The following ZNF711 variants were observed in gnomAD, a reference collection of about 807,000 sequenced individuals.
ZNF711 encodes zinc finger protein 711.
ZNF711 carries 3 observed loss-of-function variants against 43.5 expected under a neutral mutation model. The ratio of observed to expected loss-of-function variants is 0.07; its 90% CI spans 0.03 to 0.18. ZNF711 has a LOEUF of 0.18. Among genes scored for constraint, ZNF711 ranks in the 10% least tolerant of loss-of-function variants. The probability of loss-of-function intolerance (pLI) is 1.00; values close to 1 mark genes in which losing one functional copy is unlikely to be tolerated. For missense variants in ZNF711, 412 were observed against 604.0 expected (o/e 0.68, Z 3.33); for synonymous variants, 209 against 207.7 (o/e 1.01, Z -0.06).
In ZNF711 at chrX:85,272,791, C is replaced by T. The variant is rs755495184; in HGVS notation, c.*963C>T. The T allele has an allele frequency of 9.0e-6, 1 of 111,501 alleles. No individual in the cohort carries two copies. The highest frequency in any genetic ancestry group is 3.3e-5 in the African/African-American group (1 of 30,707). 9.2% of individuals were successfully genotyped at this position (111,501 alleles called of 1,213,427 possible). On this transcript the variant is annotated 3_prime_UTR_variant, in exon 11 of 11. Coordinates refer to ENST00000674551, the MANE Select transcript of ZNF711 (RefSeq NM_001330574.2). ...AAATTGATTTTTAAAATCTATATAC[C>T]ATATGATTAACATGCATTTTCAATA... is the stretch of plus-strand genomic sequence containing the variant.
intron 5 of ZNF711, among the ~76,000 whole-genome samples, chrX:85,257,594 C>T (rs937662936): frequency 8.9e-6 from 1 of 112,090 alleles, no homozygotes; most frequent in Non-Finnish European, 1.9e-5. Context: ...TAGGTTGATT[C>T]CCTGTCTTTG....
intron 7 of ZNF711, among the ~76,000 whole-genome samples, chrX:85,265,802 A>C (rs1931043305): frequency 9.0e-6 from 1 of 110,879 alleles, no homozygotes; most frequent in Non-Finnish European, 1.9e-5. Flanking sequence ...TGGATTTAGC[A>C]ATTGAAGGGC....
At chrX:85,246,899 A>G (rs918665404) in intron 2 of ZNF711, 31 bp from the exon 3 acceptor site, 2 of 296,996 alleles carry the variant, frequency 6.7e-6, no homozygotes, top group Non-Finnish European at 1.2e-5. Context: ...AAATGTTTGT[A>G]TGTGATCGAT....
At chrX:85,256,343 T>C (rs1363308434) in intron 5 of ZNF711, among the ~76,000 whole-genome samples, 1 of 112,350 alleles carries the variant, frequency 8.9e-6, no homozygotes, top group Non-Finnish European at 1.9e-5. Flanking sequence ...CTATTTAACA[T>C]GTTTATTTTA....
intron 5 of ZNF711, among the ~76,000 whole-genome samples, chrX:85,263,411 G>A (rs1247652960): frequency 9.0e-6 from 1 of 110,964 alleles, no homozygotes; most frequent in Non-Finnish European, 1.9e-5. Flanking sequence ...ATATAATTTT[G>A]AAATAAAGCA....
chrX:85,271,069 G>A lies in ZNF711; in HGVS notation c.1665G>A (p.Glu555=). 8.3e-7 allele frequency: 1 copy of A among 1,211,289 alleles called. No homozygotes were observed. Among genetic ancestry groups the A allele is most frequent in the Non-Finnish European group, 1.1e-6 (1 of 895,298 alleles). ...HSKNFPHVCV[E]CGKGFRHPSE... is the part of the protein sequence containing the mutation. ...AGAATTTTCCTCATGTTTGTGTTGA[G>A]TGTGGGAAGGGTTTTCGACATCCTT... Residue 555 remains glutamate, a synonymous_variant, in exon 11 of 11, where the codon GAG becomes GAA. Coordinates refer to ENST00000674551, the MANE Select transcript of ZNF711 (RefSeq NM_001330574.2).
At chrX:85,257,262 C>T (rs1013753917) in intron 5 of ZNF711, among the ~76,000 whole-genome samples, 3 of 110,727 alleles carry the variant, frequency 2.7e-5, no homozygotes, top group African/African-American at 9.9e-5. Context: ...TGAATGATCC[C>T]ATCTCCTAGG....
At chrX:85,261,382 T>G (rs191855590) in intron 5 of ZNF711, among the ~76,000 whole-genome samples, 13 of 111,218 alleles carry the variant, frequency 1.2e-4, no homozygotes, top group Middle Eastern at 4.6e-3. Flanking sequence ...ATATTTTTAG[T>G]TTTCTTGGGT....
At chrX:85,251,448 T>C (rs1338343347) in intron 4 of ZNF711, among the ~76,000 whole-genome samples, 1 of 111,157 alleles carries the variant, frequency 9.0e-6, no homozygotes, top group East Asian at 2.8e-4. Flanking sequence ...AAAACACCCT[T>C]AGATAGTGGC....
chrX:85,252,508 A>G (rs1056054718), intron 4 of ZNF711, among the ~76,000 whole-genome samples: 1 of 111,854 alleles, frequency 8.9e-6, no homozygotes, highest in Non-Finnish European at 1.9e-5. Flanking sequence ...GTTTGTGAAA[A>G]GATTTTTGTG....
At chrX:85,253,666 T>C (rs1204742054) in intron 4 of ZNF711, among the ~76,000 whole-genome samples, 1 of 110,244 alleles carries the variant, frequency 9.1e-6, no homozygotes, top group Non-Finnish European at 1.9e-5. Context: ...ATATATTCTA[T>C]GCAGTTTTAT....
At chrX:85,258,308 A>T (rs1397571640) in intron 5 of ZNF711, among the ~76,000 whole-genome samples, 2 of 110,985 alleles carry the variant, frequency 1.8e-5, no homozygotes, top group Non-Finnish European at 3.8e-5. Context: ...TTTCTCTCAT[A>T]TATGGGAGCT....
intron 4 of ZNF711, among the ~76,000 whole-genome samples, chrX:85,254,778 G>T (rs1285651218): frequency 3.0e-5 from 3 of 101,351 alleles, no homozygotes; most frequent in Non-Finnish European, 6.0e-5. Flanking sequence ...CTCCAGCCCG[G>T]GCGATAGAGC....
chrX:85,256,402 G>A (rs181869769), intron 5 of ZNF711, among the ~76,000 whole-genome samples: 1 of 111,718 alleles, frequency 9.0e-6, no homozygotes, highest in East Asian at 2.8e-4. Context: ...CGGGAAGATA[G>A]AAATATTTTG....
In ZNF711 at chrX:85,270,859, A is replaced by C; in HGVS notation, c.1455A>C (p.Ile485=). 1 of 1,208,663 alleles carries C rather than the reference A, an allele frequency of 8.3e-7. No individual in the cohort carries two copies. The highest frequency in any genetic ancestry group is 1.1e-6 in the Non-Finnish European group (1 of 893,769). Residue 485 remains isoleucine (I), a synonymous_variant, in exon 11 of 11, where the codon ATA becomes ATC. Coordinates refer to ENST00000674551, the MANE Select transcript of ZNF711 (RefSeq NM_001330574.2). ...FHNHLESHKL[I]NKVDKTHEFT... is the part of the protein sequence containing the mutation. ...ACCACTTAGAAAGCCATAAGCTCAT[A>C]AACAAAGTCGACAAAACCCATGAAT...
chrX:85,246,675 A>G (rs1368375875), intron 2 of ZNF711, among the ~76,000 whole-genome samples: 2 of 112,152 alleles, frequency 1.8e-5, no homozygotes, highest in Non-Finnish European at 3.8e-5. Flanking sequence ...GAAAATGCAC[A>G]TATATGTGTC....
rs1293591016 is a variant in ZNF711, at chrX:85,272,757, C to A, written c.*929C>A. ...TAATGTTTAAAGGTGCAATTTTATG[C>A]CATTATTGAAATTGATTTTTAAAAT... On this transcript the variant is annotated 3_prime_UTR_variant, in exon 11 of 11. Transcript: ENST00000674551. 2 of 111,426 alleles carry A rather than the reference C, an allele frequency of 1.8e-5. No individual in the cohort carries two copies. The highest frequency in any genetic ancestry group is 5.7e-4 in the East Asian group (2 of 3,517). 9.2% of individuals were successfully genotyped at this position (111,426 alleles called of 1,213,427 possible).
At chrX:85,258,526 A>C (rs1930372846) in intron 5 of ZNF711, among the ~76,000 whole-genome samples, 1 of 110,176 alleles carries the variant, frequency 9.1e-6, no homozygotes. Context: ...CTATTGAAAT[A>C]AAAACATTTT....
At chrX:85,251,203 T>C (rs1222703513) in intron 4 of ZNF711, among the ~76,000 whole-genome samples, 3 of 105,173 alleles carry the variant, frequency 2.9e-5, no homozygotes, top group African/African-American at 1.0e-4. Flanking sequence ...ATCTCCAAAT[T>C]CTGTAAGGTT....
Sources: allele counts gnomAD v4.1 joint callset (sites outside exome capture counted in the v4.1 genomes callset), GRCh38; gene constraint gnomAD v4.1.1; transcripts MANE v1.5; gene names NCBI Gene and HGNC (gene_info 2026-07-23, HGNC 2026-07-21).